The following GRM8 variants were observed in gnomAD, a reference collection of about 807,000 sequenced individuals.
GRM8 encodes metabotropic glutamate receptor 8.
In GRM8, 47 loss-of-function variants were observed where a neutral mutation model predicts 87.2. The observed-to-expected ratio is 0.54, with a 90% CI of 0.43 to 0.69. GRM8 has a LOEUF of 0.69. Ranked by LOEUF, GRM8 falls within the 30% of genes least tolerant of loss-of-function variation. The probability of loss-of-function intolerance (pLI) is 0.00; values close to 1 mark genes in which losing one functional copy is unlikely to be tolerated. For missense variants in GRM8, 1,019 were observed against 1,139.2 expected (o/e 0.89, Z 1.52); for synonymous variants, 396 against 404.5 (o/e 0.98, Z 0.25).
chr7:126,745,855 T>G (rs896212207), intron 7 of GRM8, among the ~76,000 whole-genome samples: 2 of 151,838 alleles, frequency 1.3e-5, no homozygotes, highest in African/African-American at 4.8e-5. Context: ...TAAAAAGCTA[T>G]TTAGAATTAC....
At position 126,575,353 on chromosome 7, in the gene GRM8, C is replaced by G. The variant is rs140862722; in HGVS notation, c.1494+34009G>C. On this transcript the variant is annotated intron_variant, in intron 8 of 10. Coordinates refer to ENST00000339582, the MANE Select transcript of GRM8 (RefSeq NM_000845.3). ...CTCTGTAGTTGCAGGAAAATAAGCTCAGGGCTCCCACTGATTCTACATTAT... is the reference window on the plus strand; with the variant it reads ...CTCTGTAGTTGCAGGAAAATAAGCTGAGGGCTCCCACTGATTCTACATTAT... Among the ~76,000 whole-genome samples, 1,297 of 151,700 alleles carry G rather than the reference C, an allele frequency of 8.5e-3. 8 individuals carry two copies. The highest frequency in any genetic ancestry group is 0.012 in the Non-Finnish European group (819 of 67,918).
intron 3 of GRM8, among the ~76,000 whole-genome samples, chr7:127,094,350 T>C (rs1428668572): frequency 6.6e-6 from 1 of 152,194 alleles, no homozygotes; most frequent in African/African-American, 2.4e-5. Flanking sequence ...CTGGCAAGGC[T>C]CTGATCACAG....
At chr7:126,575,710 T>C (rs1379369271) in intron 8 of GRM8, among the ~76,000 whole-genome samples, 1 of 152,168 alleles carries the variant, frequency 6.6e-6, no homozygotes, top group Non-Finnish European at 1.5e-5. Context: ...ATACACACTG[T>C]TTTTTGAAAT....
intron 9 of GRM8, chr7:126,511,679 CA>C (rs1449497620): frequency 6.6e-6 from 1 of 152,034 alleles, no homozygotes; most frequent in Non-Finnish European, 1.5e-5. Flanking sequence ...GCACAAAGGC[CA>C]AGGCATGCAC....
chr7:126,984,845 T>C (rs1001318026), intron 3 of GRM8, among the ~76,000 whole-genome samples: 1 of 152,186 alleles, frequency 6.6e-6, no homozygotes, highest in Non-Finnish European at 1.5e-5. Context: ...TCTGTTATTT[T>C]TACCATTTTA....
chr7:127,252,419 T>C lies in GRM8; in HGVS notation c.-312+378A>G, dbSNP rs374106056. 2 of 152,194 alleles carry C rather than the reference T, an allele frequency of 1.3e-5. No individual in the cohort carries two copies. Among genetic ancestry groups the C allele is most frequent in the East Asian group, 3.9e-4 (2 of 5,154 alleles). 9.4% of individuals were successfully genotyped at this position (152,194 alleles called of 1,614,324 possible). On this transcript the variant is annotated intron_variant, in intron 1 of 10. Transcript: ENST00000339582. This position sits in a 1 kb window ranked among gnomAD's most constrained non-coding sequence, Gnocchi z 4.9. ...ACAAGAGGGGTGGCTGCCTTGTTCT[T>C]TGCAACGTAAAATCAACAGACACCC...
intron 2 of GRM8, among the ~76,000 whole-genome samples, chr7:127,235,793 C>T (rs189328052): frequency 8.4e-4 from 128 of 152,276 alleles, no homozygotes; most frequent in African/African-American, 3.0e-3. Context: ...GCTGGCAATG[C>T]TAACATGCAG....
rs1278834937 is a variant in GRM8 at position 126,959,018 on chromosome 7, G to GA, written c.728-54336dup. ...CTCTCTAACAAGCTTCAGAAACATGGAAAAAATTTAACCTGGGTAGAAGGA... is the reference window on the plus strand; with the variant it reads ...CTCTCTAACAAGCTTCAGAAACATGGAAAAAAATTTAACCTGGGTAGAAGGA... On this transcript the variant is annotated intron_variant, in intron 3 of 10. Coordinates refer to ENST00000339582, the MANE Select transcript of GRM8 (RefSeq NM_000845.3). Among the ~76,000 whole-genome samples, 4 of 152,234 alleles carry GA rather than the reference G, an allele frequency of 2.6e-5. No individual in the cohort carries two copies. The East Asian group carries it at 7.7e-4, about 29-fold the overall frequency.
At chr7:126,902,097 G>T (rs1802141764) in intron 6 of GRM8, among the ~76,000 whole-genome samples, 2 of 152,278 alleles carry the variant, frequency 1.3e-5, no homozygotes, top group Admixed American at 1.3e-4. Flanking sequence ...TTCCAGGATA[G>T]CTGCTATGCA....
At chr7:126,466,415 TGAA>T (rs2150536477) in intron 9 of GRM8, among the ~76,000 whole-genome samples, 1 of 152,094 alleles carries the variant, frequency 6.6e-6, no homozygotes, top group African/African-American at 2.4e-5. Flanking sequence ...CTCTTCCTTT[TGAA>T]GAAGTAGAAT....
intron 10 of GRM8, among the ~76,000 whole-genome samples, chr7:126,445,794 T>C (rs1341650834): frequency 2.6e-5 from 4 of 151,884 alleles, no homozygotes; most frequent in Non-Finnish European, 5.9e-5. Flanking sequence ...ACAAGAAAAA[T>C]TGTGGAATTG....
At chr7:127,228,691 T>C (rs1462834029) in intron 2 of GRM8, 3 of 152,198 alleles carry the variant, frequency 2.0e-5, no homozygotes, top group African/African-American at 7.2e-5. Flanking sequence ...GTGCCAAGCT[T>C]CCTAAAACAT....
At chr7:126,916,046 A>G (rs889315383) in intron 3 of GRM8, among the ~76,000 whole-genome samples, 2 of 152,246 alleles carry the variant, frequency 1.3e-5, no homozygotes, top group African/African-American at 4.8e-5. Flanking sequence ...GGAAGATTTC[A>G]AAAGAGAAAG....
At chr7:127,018,389 G>T (rs892069247) in intron 3 of GRM8, among the ~76,000 whole-genome samples, 2 of 148,254 alleles carry the variant, frequency 1.3e-5, no homozygotes, top group Admixed American at 1.3e-4. Flanking sequence ...GAGCAATAAA[G>T]AGCCCCCTGA....
At chr7:126,466,489 T>C (rs1263189697) in intron 9 of GRM8, among the ~76,000 whole-genome samples, 2 of 151,982 alleles carry the variant, frequency 1.3e-5, no homozygotes, top group Admixed American at 1.3e-4. Context: ...TTCCTATTGA[T>C]ATATGTATAT....
Position 126,533,103 on chromosome 7 carries a change from A to G in GRM8, c.2279T>C (p.Met760Thr). The change falls in exon 9 of 11, where the codon ATG (methionine) becomes ACG (threonine). Residue 760 changes from methionine (M) to threonine (T), a missense_variant. Coordinates refer to ENST00000339582, the MANE Select transcript of GRM8 (RefSeq NM_000845.3). Reference protein sequence around the residue: ...ICSLGYSILLMVTCTVYAIKT... With the variant: ...ICSLGYSILLTVTCTVYAIKT... ...AATGGCATAAACAGTACAAGTGACCATCAAGAGGATACTGTATCCAAGTGA... is the reference window on the plus strand; with the variant it reads ...AATGGCATAAACAGTACAAGTGACCGTCAAGAGGATACTGTATCCAAGTGA... 6.2e-7 allele frequency: 1 copy of G among 1,613,634 alleles called. No individual in the cohort carries two copies. The highest frequency in any genetic ancestry group is 8.5e-7 in the Non-Finnish European group (1 of 1,179,890).
chr7:126,936,988 A>G (rs1303683188), intron 3 of GRM8, among the ~76,000 whole-genome samples: 3 of 152,224 alleles, frequency 2.0e-5, no homozygotes, highest in African/African-American at 7.2e-5. Flanking sequence ...CCATAACAAT[A>G]TCTGAGACCA....
chr7:126,801,632 T>C (rs986888210), intron 6 of GRM8, among the ~76,000 whole-genome samples: 1 of 114,034 alleles, frequency 8.8e-6, no homozygotes, highest in African/African-American at 2.7e-5. Context: ...ATGTATTAGT[T>C]ATTGTAATGC....
At chr7:127,229,592 C>T (rs1797555175) in intron 2 of GRM8, 1 of 152,156 alleles carries the variant, frequency 6.6e-6, no homozygotes, top group African/African-American at 2.4e-5. Context: ...AAAGATCTCA[C>T]ATTGAGCTCT....
Sources: allele counts gnomAD v4.1 joint callset (sites outside exome capture counted in the v4.1 genomes callset), GRCh38; gene constraint gnomAD v4.1.1; non-coding constraint Gnocchi (gnomAD v3.1); transcripts MANE v1.5; gene names NCBI Gene and HGNC (gene_info 2026-07-23, HGNC 2026-07-21).